Variants in C3orf33 observed in about 807,000 individuals in gnomAD.
C3orf33 encodes the protein AP-1 activity suppressor.
Under a neutral mutation model 28.7 loss-of-function variants are expected in C3orf33, and 23 were observed. The observed-to-expected ratio is 0.80, with a 90% confidence interval of 0.58 to 1.13. The LOEUF (loss-of-function observed/expected upper bound fraction) is 1.13. Ranked by LOEUF, C3orf33 falls within the 50% of genes most tolerant of loss-of-function variation. The pLI is 0.00. For synonymous variants in C3orf33, 119 were observed against 120.5 expected (o/e 0.99, Z 0.08); for missense variants, 327 against 353.4 (o/e 0.93, Z 0.60).
rs185404525 is a variant in C3orf33, at chr3:155,779,920, T to C, written c.175-4072A>G. Among the ~76,000 whole-genome samples the C allele has an allele frequency of 3.4e-3, 513 of 152,260 alleles. 2 individuals are homozygous for C. Among genetic ancestry groups the C allele is most frequent in the Admixed American group, 6.4e-3 (98 of 15,292 alleles). On this transcript the variant is annotated intron_variant, in intron 2 of 4. Transcript: ENST00000340171. ...GTTCCTGCTCTCAAGGAGCTCACAG[T>C]GTATGTGAGAAAGATTCCATTGCAT...
At chr3:155,799,412 G>C (rs540632006) in intron 2 of C3orf33, among the ~76,000 whole-genome samples, 84 of 152,226 alleles carry the variant, frequency 5.5e-4, no homozygotes, top group African/African-American at 2.0e-3. Flanking sequence ...ATGTGGGCTG[G>C]GTGCAGTGGA....
At chr3:155,787,347 CTTTT>C (rs3068987) in intron 2 of C3orf33, among the ~76,000 whole-genome samples, 3,160 of 104,132 alleles carry the variant, frequency 0.03, 128 homozygotes, top group African/African-American at 0.11. Flanking sequence ...CACAGGTATG[CTTTT>C]TTTTTTTTTT....
At chr3:155,767,344 T>C (rs1750441416) in intron 4 of C3orf33, among the ~76,000 whole-genome samples, 165 bp downstream of exon 4, 1 of 152,032 alleles carries the variant, frequency 6.6e-6, no homozygotes. Flanking sequence ...GTAACTAAAA[T>C]AAAATTTGTA....
At chr3:155,767,262 T>A (rs900092093) in intron 4 of C3orf33, among the ~76,000 whole-genome samples, 1 of 151,788 alleles carries the variant, frequency 6.6e-6, no homozygotes, top group African/African-American at 2.4e-5. Context: ...AAAATAATAA[T>A]AATAAATAAT....
At chr3:155,806,034 C>G (rs1751798852) in intron 1 of C3orf33, 105 bp downstream of exon 1, 3 of 776,708 alleles carry the variant, frequency 3.9e-6, no homozygotes, top group Non-Finnish European at 5.5e-6. Flanking sequence ...TTTTCTGTCG[C>G]TCCCCGGCCC....
intron 4 of C3orf33, among the ~76,000 whole-genome samples, chr3:155,766,655 G>C (rs1198892114): frequency 6.6e-6 from 1 of 152,226 alleles, no homozygotes; most frequent in East Asian, 1.9e-4. Context: ...AGAGTCATTA[G>C]TAATTTGAAG....
intron 3 of C3orf33, among the ~76,000 whole-genome samples, chr3:155,775,497 A>AC (rs1201935141): frequency 2.0e-5 from 3 of 152,018 alleles, no homozygotes; most frequent in Admixed American, 1.3e-4. Context: ...TCAAAAAAAA[A>AC]AAAAAGGAAC....
chr3:155,783,593 A>C (rs1302848721), intron 2 of C3orf33, among the ~76,000 whole-genome samples: 1 of 151,882 alleles, frequency 6.6e-6, no homozygotes, highest in African/African-American at 2.4e-5. Flanking sequence ...CAGCCTACCA[A>C]GTAGCTGGGA....
At chr3:155,769,124 C>G (rs1249494553) in intron 3 of C3orf33, among the ~76,000 whole-genome samples, 2 of 152,168 alleles carry the variant, frequency 1.3e-5, no homozygotes, top group East Asian at 3.9e-4. Flanking sequence ...ACAAGCCTGA[C>G]CAACATGGTG....
rs541831852 is a variant in C3orf33, at chr3:155,784,851, T to C, written c.175-9003A>G. ...ACCTATAAGGCATATAGAAAACAGA[T>C]GGCAAAATGACAGAAGTCCCTCCTT... is the stretch of plus-strand genomic sequence containing the variant. On this transcript the variant is annotated intron_variant, in intron 2 of 4. Coordinates refer to ENST00000340171, the MANE Select transcript of C3orf33 (RefSeq NM_001308229.2). 2.6e-5 allele frequency among the ~76,000 whole-genome samples: 4 copies of C among 151,636 alleles called. No homozygotes were observed. The South Asian group carries it at 8.3e-4, about 32-fold the overall frequency.
At chr3:155,769,882 T>C (rs893382343) in intron 3 of C3orf33, among the ~76,000 whole-genome samples, 4 of 152,240 alleles carry the variant, frequency 2.6e-5, no homozygotes, top group African/African-American at 9.6e-5. Flanking sequence ...TTGGTGCTCT[T>C]TCCTCTGATT....
At chr3:155,792,483 T>C (rs1296605947) in intron 2 of C3orf33, among the ~76,000 whole-genome samples, 1 of 151,798 alleles carries the variant, frequency 6.6e-6, no homozygotes, top group Non-Finnish European at 1.5e-5. Flanking sequence ...CAAAAAAAAC[T>C]AAATAAGGTA....
intron 3 of C3orf33, among the ~76,000 whole-genome samples, chr3:155,768,148 G>A (rs1204367719): frequency 6.6e-6 from 1 of 152,166 alleles, no homozygotes; most frequent in East Asian, 1.9e-4. Flanking sequence ...CCAAAGTGCT[G>A]GGATTACAGG....
In C3orf33 at chr3:155,788,217, A is replaced by G. The variant is rs548544085; in HGVS notation, c.175-12369T>C. Among the ~76,000 whole-genome samples, 14 of 151,612 alleles carry G rather than the reference A, an allele frequency of 9.2e-5. 1 individual carries two copies. The South Asian group carries it at 2.5e-3, about 27-fold the overall frequency. On this transcript the variant is annotated intron_variant, in intron 2 of 4. Coordinates refer to ENST00000340171, the MANE Select transcript of C3orf33 (RefSeq NM_001308229.2). Reference sequence around the variant, plus strand: ...AAAAAAAAAAGGATAAAATAAAAATAAAAAGATCAACCAGTATAATACACT... The same window carrying G: ...AAAAAAAAAAGGATAAAATAAAAATGAAAAGATCAACCAGTATAATACACT...
At chr3:155,786,431 T>C (rs1751110976) in intron 2 of C3orf33, among the ~76,000 whole-genome samples, 1 of 152,084 alleles carries the variant, frequency 6.6e-6, no homozygotes, top group Non-Finnish European at 1.5e-5. Context: ...GTGGGGACAT[T>C]ACTACAAATT....
chr3:155,779,036 G>C (rs1750838214), intron 2 of C3orf33, among the ~76,000 whole-genome samples: 2 of 152,132 alleles, frequency 1.3e-5, no homozygotes, highest in African/African-American at 4.8e-5. Context: ...GGATGGGAGA[G>C]AACAAATTAA....
intron 4 of C3orf33, 139 bp downstream of exon 4, chr3:155,767,370 C>T: frequency 2.3e-6 from 1 of 441,926 alleles, no homozygotes; most frequent in Non-Finnish European, 3.8e-6. Flanking sequence ...GACACCTATG[C>T]ATAATCACTA....
intron 2 of C3orf33, among the ~76,000 whole-genome samples, chr3:155,789,918 TTTGGGAGGCCAAG>T (rs954750757): frequency 2.0e-5 from 3 of 152,042 alleles, no homozygotes; most frequent in African/African-American, 7.2e-5. Context: ...ATCCCAGCAC[TTTGGGAGGCCAAG>T]GTGGGTGGAT....
At chr3:155,767,750 C>G in intron 3 of C3orf33, 81 bp from the exon 4 acceptor site, 1 of 924,102 alleles carries the variant, frequency 1.1e-6, no homozygotes, top group South Asian at 2.7e-5. Context: ...CTCCAACAAA[C>G]AAACAAATAT....
Sources: allele counts gnomAD v4.1 joint callset (sites outside exome capture counted in the v4.1 genomes callset), GRCh38; gene constraint gnomAD v4.1.1; transcripts MANE v1.5; gene names NCBI Gene and HGNC (gene_info 2026-07-23, HGNC 2026-07-21).